SASS6: variants seen among roughly 807,000 people sequenced by gnomAD.
SASS6 encodes SAS-6 centriolar assembly protein.
SASS6 carries 59 observed loss-of-function variants against 94.9 expected under a neutral mutation model. The observed-to-expected ratio is 0.62, with a 90% CI of 0.50 to 0.77. The LOEUF (loss-of-function observed/expected upper bound fraction) is 0.77. SASS6 is among the 30% of genes least tolerant of loss of function. The probability of loss-of-function intolerance (pLI) is 0.00; values close to 1 mark genes in which losing one functional copy is unlikely to be tolerated. For synonymous variants in SASS6, 264 were observed against 270.0 expected, an observed-to-expected ratio of 0.98 and a Z score of 0.22; for missense variants, 698 against 734.1, an observed-to-expected ratio of 0.95 and a Z score of 0.57.
intron 14 of SASS6, among the ~76,000 whole-genome samples, chr1:100,097,206 C>A (rs1027721574): frequency 6.6e-6 from 1 of 152,186 alleles, no homozygotes. Flanking sequence ...GGATGCAGAA[C>A]AACTTGAACT....
intron 8 of SASS6, among the ~76,000 whole-genome samples, chr1:100,109,766 T>C (rs1236048032): frequency 2.0e-5 from 3 of 152,050 alleles, no homozygotes; most frequent in African/African-American, 4.8e-5. Flanking sequence ...ATCTGTAAAA[T>C]AGGGCTAATA....
Position 100,119,100 on chromosome 1 carries a change from C to A in SASS6, c.587G>T (p.Arg196Leu). ...TGCTGTATGTGACGCCCATTCATTC[C>A]GTAACTTATCTAATTCTTGTTTTTT... ...AEKKQELDKL[R>L]NEWASHTAAL... The change falls in exon 7 of 17, where the codon CGG becomes CTG. Residue 196 changes from arginine to leucine, a missense_variant. By Grantham distance (102) the Arg-to-Leu change is moderately radical. Coordinates refer to ENST00000287482, the MANE Select transcript of SASS6 (RefSeq NM_194292.3). 1 of 1,574,820 alleles carries A rather than the reference C, an allele frequency of 6.3e-7. No homozygotes were observed. Among genetic ancestry groups the A allele is most frequent in the Non-Finnish European group, 8.7e-7 (1 of 1,152,652 alleles).
At chr1:100,114,651 G>A (rs948472161) in intron 7 of SASS6, among the ~76,000 whole-genome samples, 3 of 152,088 alleles carry the variant, frequency 2.0e-5, no homozygotes, top group Non-Finnish European at 4.4e-5. Flanking sequence ...CCGGAAGGCT[G>A]AGGATGCAGT....
In SASS6 at chr1:100,084,638, A is replaced by G. The variant is rs1178882547; in HGVS notation, c.*690T>C. ...TGAGAAAAACTAGATGAGTATAAAC[A>G]TTTAGGAAGCACTGAAGTTTTAAAA... On this transcript the variant is annotated 3_prime_UTR_variant, in exon 17 of 17. Coordinates refer to ENST00000287482, the MANE Select transcript of SASS6 (RefSeq NM_194292.3). 1 of 152,154 alleles carries G rather than the reference A, an allele frequency of 6.6e-6. No individual in the cohort carries two copies. Among genetic ancestry groups the G allele is most frequent in the Non-Finnish European group, 1.5e-5 (1 of 67,976 alleles). 9.4% of individuals were successfully genotyped at this position (152,154 alleles called of 1,614,324 possible).
chr1:100,110,507 A>G (rs1653245250), intron 7 of SASS6, 24 bp from the exon 8 acceptor site: 4 of 1,285,770 alleles, frequency 3.1e-6, no homozygotes, highest in Non-Finnish European at 4.2e-6. Context: ...AAAATACAGT[A>G]CCAAAATTCA....
chr1:100,107,129 T>C, intron 11 of SASS6, 136 bp from the exon 12 acceptor site: 1 of 606,836 alleles, frequency 1.6e-6, no homozygotes, highest in Non-Finnish European at 2.9e-6. Context: ...AGGAATTAGC[T>C]CAATTATGTA....
rs1651057191 is a variant in SASS6 at position 100,084,181 on chromosome 1, A to G, written c.*1147T>C. On this transcript the variant is annotated 3_prime_UTR_variant, in exon 17 of 17. Coordinates refer to ENST00000287482, the MANE Select transcript of SASS6 (RefSeq NM_194292.3). ...AAATTAGCAAAGATTCTTTCTTACC[A>G]TGGGACTCAGTAATGTTATTACATC... 6.6e-6 allele frequency: 1 copy of G among 151,836 alleles called. No homozygotes were observed. The highest frequency in any genetic ancestry group is 3.4e-3 in the Middle Eastern group (1 of 294). The allele number at this position is 151,836 out of a possible 1,614,324, so 9.4% of individuals were successfully genotyped here. A position where few individuals can be genotyped will look rare whatever the true frequency, so the allele number is the denominator to read the frequency against.
chr1:100,122,095 A>G (rs1350332206), intron 4 of SASS6, among the ~76,000 whole-genome samples: 1 of 152,324 alleles, frequency 6.6e-6, no homozygotes, highest in East Asian at 1.9e-4. Flanking sequence ...CACACATACA[A>G]TCTTAGTCTT....
intron 14 of SASS6, among the ~76,000 whole-genome samples, chr1:100,088,560 G>T (rs1651467519): frequency 1.3e-5 from 2 of 151,880 alleles, no homozygotes. Context: ...AAAATCATGG[G>T]ATTACAGGGA....
chr1:100,085,626 C>T lies in SASS6; in HGVS notation c.1777G>A (p.Glu593Lys), dbSNP rs756730035. 1.3e-6 allele frequency: 2 copies of T among 1,597,374 alleles called. No homozygotes were observed. The highest frequency in any genetic ancestry group is 4.5e-5 in the East Asian group (2 of 44,772). ...MPCSTDKENG[E>K]NVGLESKYLK... ...TATTTGGATTCCAACCCTACATTTT[C>T]ACCACTTAAAAAGAAAATGGTAATA... Residue 593 changes from glutamate (E) to lysine (K), a missense_variant, in exon 16 of 17, where the codon GAA becomes AAA. Physicochemically the swap from Glu to Lys is moderately conservative, Grantham distance 56. Coordinates refer to ENST00000287482, the MANE Select transcript of SASS6 (RefSeq NM_194292.3).
At chr1:100,093,176 T>TTC (rs199714253) in intron 14 of SASS6, among the ~76,000 whole-genome samples, 7 of 128,872 alleles carry the variant, frequency 5.4e-5, no homozygotes, top group African/African-American at 2.2e-4. Context: ...ATTGTTTTCT[T>TTC]TTTTTTTTTT....
chr1:100,090,421 G>A (rs1201996597), intron 14 of SASS6, among the ~76,000 whole-genome samples: 1 of 152,080 alleles, frequency 6.6e-6, no homozygotes, highest in Non-Finnish European at 1.5e-5. Context: ...TTATTTTTCT[G>A]CTGAGATATG....
chr1:100,119,556 C>T (rs1388827360), intron 6 of SASS6, among the ~76,000 whole-genome samples: 1 of 152,194 alleles, frequency 6.6e-6, no homozygotes, highest in East Asian at 1.9e-4. Context: ...GTTAGGATGT[C>T]TGTCCCCTCC....
At chr1:100,086,583 C>T (rs1651293462) in intron 15 of SASS6, among the ~76,000 whole-genome samples, 1 of 149,364 alleles carries the variant, frequency 6.7e-6, no homozygotes, top group African/African-American at 2.5e-5. Context: ...TGTGACTGAT[C>T]ATAGCTTACT....
chr1:100,106,915 T>A lies in SASS6; in HGVS notation c.1405A>T (p.Lys469Ter). 1 of 1,249,744 alleles carries A rather than the reference T, an allele frequency of 8.0e-7. No individual in the cohort carries two copies. Among genetic ancestry groups the A allele is most frequent in the Admixed American group, 1.8e-5 (1 of 54,556 alleles). 77.4% of individuals were successfully genotyped at this position (1,249,744 alleles called of 1,614,324 possible). A position where few individuals can be genotyped will look rare whatever the true frequency, so the allele number is the denominator to read the frequency against. The part of the protein sequence containing the change: ...ESKQLLKNNE[K>*]LITWLNKELN... ...CATTAACACGTAACATACTTACACTTTTCATTATTTTTTAGAAGTTGTTTG... is the reference window on the plus strand; with the variant it reads ...CATTAACACGTAACATACTTACACTATTCATTATTTTTTAGAAGTTGTTTG... The change falls in exon 12 of 17, where the codon AAG (lysine) becomes TAG (stop). Residue 469 changes from lysine (K) to a stop codon, truncating the protein, a stop_gained. Coordinates refer to ENST00000287482, the MANE Select transcript of SASS6 (RefSeq NM_194292.3). LOFTEE classifies it high-confidence loss of function.
At chr1:100,087,124 A>G (rs529921580) in intron 15 of SASS6, among the ~76,000 whole-genome samples, 127 of 152,212 alleles carry the variant, frequency 8.3e-4, no homozygotes, top group Non-Finnish European at 1.6e-3. Context: ...AACTGAGATT[A>G]CACGTGCCCA....
chr1:100,110,358 G>A lies in SASS6; in HGVS notation c.795C>T (p.Thr265=), dbSNP rs368784573. 2.7e-5 allele frequency: 43 copies of A among 1,607,196 alleles called. No homozygotes were observed. Among genetic ancestry groups the A allele is most frequent in the African/African-American group, 1.1e-4 (8 of 74,614 alleles). The change falls in exon 8 of 17, where the codon ACC becomes ACT. Residue 265 remains threonine (T), a synonymous_variant. Transcript: ENST00000287482. ...SELEAANKDL[T]ERKYKGDSTI... is the part of the protein sequence containing the mutation. ...TGGAGTCTCCTTTATATTTTCTTTCGGTTAAGTCTTTATTAGCCGCTTCTA... is the reference window on the plus strand; with the variant it reads ...TGGAGTCTCCTTTATATTTTCTTTCAGTTAAGTCTTTATTAGCCGCTTCTA...
intron 1 of SASS6, 56 bp downstream of exon 1, chr1:100,132,694 C>T: frequency 7.2e-7 from 1 of 1,387,778 alleles, no homozygotes; most frequent in East Asian, 2.3e-5. Flanking sequence ...CGCCATCTTT[C>T]CCCATTGGCC....
chr1:100,102,199 A>T (rs1652541126), intron 14 of SASS6, among the ~76,000 whole-genome samples: 1 of 152,182 alleles, frequency 6.6e-6, no homozygotes. Flanking sequence ...GGGGATTGCT[A>T]GTCATATCTT....
Sources: gnomAD v4.1 joint callset for allele counts (sites outside exome capture counted in the v4.1 genomes callset) on GRCh38, gnomAD v4.1.1 for gene constraint, MANE v1.5 for transcripts, NCBI Gene and HGNC (gene_info 2026-07-23, HGNC 2026-07-21) for gene names.